C8orf74: variants seen among roughly 807,000 people sequenced by gnomAD.
C8orf74 encodes chromosome 8 open reading frame 74.
In C8orf74, 29 loss-of-function variants were observed where a neutral mutation model predicts 22.2. That is an observed-to-expected ratio of 1.31 (90% CI 0.97 to 1.78). The LOEUF (loss-of-function observed/expected upper bound fraction) is 1.78. Ranked by LOEUF, C8orf74 falls within the 40% of genes most tolerant of loss-of-function variation. The probability of loss-of-function intolerance (pLI) is 0.00; values close to 1 mark genes in which losing one functional copy is unlikely to be tolerated. For missense variants in C8orf74, 515 were observed against 369.9 expected (o/e 1.39, Z -3.22); for synonymous variants, 255 against 163.1 (o/e 1.56, Z -4.30).
At chr8:10,683,331 G>A (rs1415642698) in intron 2 of C8orf74, among the ~76,000 whole-genome samples, 1 of 152,244 alleles carries the variant, frequency 6.6e-6, no homozygotes, top group African/African-American at 2.4e-5. Context: ...TGGCCTGGAT[G>A]TGCCATCTGT....
chr8:10,690,358 G>C (rs58601768), intron 2 of C8orf74, among the ~76,000 whole-genome samples: 9,403 of 152,202 alleles, frequency 0.062, 751 homozygotes, highest in African/African-American at 0.18. Flanking sequence ...GTCCCCGGCA[G>C]CCAGGGGTGA....
intron 2 of C8orf74, among the ~76,000 whole-genome samples, chr8:10,682,271 A>T (rs1044939200): frequency 1.3e-5 from 2 of 152,150 alleles, no homozygotes; most frequent in African/African-American, 4.8e-5. Flanking sequence ...CTAGATTAAG[A>T]TCTTAGAGGA....
intron 2 of C8orf74, among the ~76,000 whole-genome samples, chr8:10,682,842 A>G (rs942664648): frequency 6.6e-6 from 1 of 152,236 alleles, no homozygotes; most frequent in African/African-American, 2.4e-5. Flanking sequence ...CGTCCCACAG[A>G]GGGAGGCCTT....
rs772077533 is a variant in C8orf74 at position 10,674,822 on chromosome 8, G to C, written c.225G>C (p.Leu75=). ...AGGTGGTCAAGTTCACAGAAGAGCTGCTAAGGGAAACCAAAGGTATGGTGT... is the reference window on the plus strand; with the variant it reads ...AGGTGGTCAAGTTCACAGAAGAGCTCCTAAGGGAAACCAAAGGTATGGTGT... ...VAQVVKFTEE[L]LRETKGCSIT... The change falls in exon 2 of 4, where the codon CTG becomes CTC. Residue 75 remains leucine (L), a synonymous_variant. Coordinates refer to ENST00000304519, the MANE Select transcript of C8orf74 (RefSeq NM_001040032.2). 3 of 1,601,822 alleles carry C rather than the reference G, an allele frequency of 1.9e-6. No homozygotes were observed. The Admixed American group carries it at 5.2e-5, about 28-fold the overall frequency.
At chr8:10,676,206 G>A (rs1228423023) in intron 2 of C8orf74, among the ~76,000 whole-genome samples, 1 of 151,884 alleles carries the variant, frequency 6.6e-6, no homozygotes, top group African/African-American at 2.4e-5. Context: ...TTTAAGTGAG[G>A]TATATTAGAG....
At chr8:10,691,144 G>C (rs997581318) in intron 2 of C8orf74, 81 of 351,638 alleles carry the variant, frequency 2.3e-4, no homozygotes, top group African/African-American at 1.7e-3. Context: ...AGCCAAGAGT[G>C]TCTGGGGGCC....
At chr8:10,677,950 C>G (rs1799067110) in intron 2 of C8orf74, among the ~76,000 whole-genome samples, 1 of 152,222 alleles carries the variant, frequency 6.6e-6, no homozygotes, top group Non-Finnish European at 1.5e-5. Flanking sequence ...ACGGATACCA[C>G]CTCGTTCAGA....
rs762306429 is a variant in C8orf74, at chr8:10,674,852, A to C, written c.241+14A>C. 6.4e-5 allele frequency: 101 copies of C among 1,575,018 alleles called. No homozygotes were observed. Among genetic ancestry groups the C allele is most frequent in the Admixed American group, 5.5e-4 (30 of 54,232 alleles). ...GGGAAACCAAAGGTATGGTGTGTCC[A>C]GGGCAGGAGTCAGCAGAGGCTGGCG... On this transcript the variant is annotated intron_variant, in intron 2 of 3. Transcript: ENST00000304519.
chr8:10,690,737 C>A (rs1324340618), intron 2 of C8orf74: 1 of 383,754 alleles, frequency 2.6e-6, no homozygotes, highest in Non-Finnish European at 5.3e-6. Context: ...AAGGAAGCCA[C>A]CGGAGCCCCC....
intron 3 of C8orf74, among the ~76,000 whole-genome samples, chr8:10,698,304 C>T (rs1321551938): frequency 5.9e-5 from 9 of 152,126 alleles, no homozygotes. Context: ...AGTCTAAGTT[C>T]CTTCCTCTGT....
rs185833861 is a variant in C8orf74 at position 10,682,450 on chromosome 8, C to G, written c.241+7612C>G. On this transcript the variant is annotated intron_variant, in intron 2 of 3. Transcript: ENST00000304519. ...CCAAGGTCAAGGCCGTGGCAGGGCTCGTTTCTCCCGAAGCCTCTCTCCTTG... is the reference window on the plus strand; with the variant it reads ...CCAAGGTCAAGGCCGTGGCAGGGCTGGTTTCTCCCGAAGCCTCTCTCCTTG... 2.8e-3 allele frequency among the ~76,000 whole-genome samples: 433 copies of G among 152,304 alleles called. 1 individual carries two copies. The highest frequency in any genetic ancestry group is 9.0e-3 in the African/African-American group (372 of 41,552).
chr8:10,680,638 C>T (rs1179778788), intron 2 of C8orf74, among the ~76,000 whole-genome samples: 1 of 152,320 alleles, frequency 6.6e-6, no homozygotes, highest in East Asian at 1.9e-4. Context: ...AGAAGGGAGG[C>T]CCAGACCACC....
At chr8:10,688,569 G>A (rs538068104) in intron 2 of C8orf74, 6 of 152,330 alleles carry the variant, frequency 3.9e-5, no homozygotes, top group African/African-American at 1.4e-4. Context: ...CGCAATGGTG[G>A]CTGCTGTGTG....
chr8:10,682,629 A>G (rs980683227), intron 2 of C8orf74, among the ~76,000 whole-genome samples: 7 of 152,160 alleles, frequency 4.6e-5, no homozygotes, highest in African/African-American at 1.7e-4. Flanking sequence ...ATTGGACCCT[A>G]ATCGCCTCTA....
intron 2 of C8orf74, among the ~76,000 whole-genome samples, chr8:10,697,259 C>T (rs1468585816): frequency 6.6e-6 from 1 of 151,996 alleles, no homozygotes; most frequent in Non-Finnish European, 1.5e-5. Flanking sequence ...ACAGTGATAA[C>T]CTCATCTCCA....
At chr8:10,690,361 AG>A (rs980053952) in intron 2 of C8orf74, among the ~76,000 whole-genome samples, 4 of 152,124 alleles carry the variant, frequency 2.6e-5, no homozygotes, top group South Asian at 4.2e-4. Context: ...CCCGGCAGCC[AG>A]GGGTGAAGGA....
chr8:10,696,695 G>A (rs1799508652), intron 2 of C8orf74, among the ~76,000 whole-genome samples: 2 of 151,908 alleles, frequency 1.3e-5, no homozygotes, highest in African/African-American at 4.8e-5. Context: ...TGATACACAG[G>A]CCTCAGCCTC....
chr8:10,697,873 G>C lies in C8orf74; in HGVS notation c.516G>C (p.Thr172=). The C allele has an allele frequency of 3.1e-6, 5 of 1,613,018 alleles. No homozygotes were observed. The highest frequency in any genetic ancestry group is 4.2e-6 in the Non-Finnish European group (5 of 1,179,478). Residue 172 remains threonine (T), a synonymous_variant, in exon 3 of 4, where the codon ACG becomes ACC. Coordinates refer to ENST00000304519, the MANE Select transcript of C8orf74 (RefSeq NM_001040032.2). ...ACGAGCAGCAGGTGGCCACACTGAC[G>C]GAGGCCGAGGCACAGAAGCGCGCCG... ...WIHEQQVATL[T]EAEAQKRADV...
intron 2 of C8orf74, chr8:10,690,869 G>A (rs1209750409): frequency 2.2e-6 from 1 of 456,078 alleles, no homozygotes; most frequent in Admixed American, 2.4e-5. Flanking sequence ...TATCCTCGCA[G>A]GTGCTGGCCT....
Sources: allele counts gnomAD v4.1 joint callset (sites outside exome capture counted in the v4.1 genomes callset), GRCh38; gene constraint gnomAD v4.1.1; transcripts MANE v1.5; gene names NCBI Gene and HGNC (gene_info 2026-07-23, HGNC 2026-07-21).